UBE4B: variants seen among roughly 807,000 people sequenced by gnomAD.
UBE4B encodes ubiquitination factor E4B.
A neutral mutation model predicts 148.1 loss-of-function variants in UBE4B; 27 were observed. That is an observed-to-expected ratio of 0.18 (90% confidence interval 0.13 to 0.25). UBE4B has a LOEUF of 0.25. UBE4B is among the 10% of genes least tolerant of loss of function. The pLI, the probability that UBE4B is intolerant of heterozygous loss-of-function variation, is 1.00. For synonymous variants in UBE4B, 596 were observed against 619.3 expected (o/e 0.96, Z 0.56); for missense variants, 1,170 against 1,662.4 (o/e 0.70, Z 5.15).
chr1:10,093,068 A>G (rs1178445813), intron 2 of UBE4B, among the ~76,000 whole-genome samples: 4 of 152,244 alleles, frequency 2.6e-5, no homozygotes, highest in African/African-American at 9.6e-5. Flanking sequence ...ATATTGCTAC[A>G]GTATTATTGT....
intron 7 of UBE4B, among the ~76,000 whole-genome samples, chr1:10,108,602 G>C (rs559348014): frequency 2.0e-5 from 3 of 152,286 alleles, no homozygotes; most frequent in Admixed American, 6.5e-5. Context: ...ATAACTCCAG[G>C]CTATAAATAG....
At chr1:10,152,087 T>C (rs910558281) in intron 21 of UBE4B, among the ~76,000 whole-genome samples, 2 of 151,324 alleles carry the variant, frequency 1.3e-5, no homozygotes, top group Non-Finnish European at 2.9e-5. Context: ...TGAAACCCCA[T>C]CTCTACTAAA....
At chr1:10,126,454 TGAGTA>T (rs1645499957) in intron 10 of UBE4B, among the ~76,000 whole-genome samples, 1 of 152,218 alleles carries the variant, frequency 6.6e-6, no homozygotes, top group Admixed American at 6.5e-5. Context: ...AGAATTTAAT[TGAGTA>T]GAGCAACGAC....
chr1:10,168,747 C>T lies in UBE4B; in HGVS notation c.3333+477C>T, dbSNP rs1646293100. On this transcript the variant is annotated intron_variant, in intron 24 of 27. Transcript: ENST00000343090. This position sits in a 1 kb window ranked among gnomAD's most constrained non-coding sequence, Gnocchi z 4.9. ...CTCTACTAAAAGTACAAAAAATTAG[C>T]TGGGCGTGGTGGTGGGCACCTGTAG... Among the ~76,000 whole-genome samples, 1 of 152,046 alleles carries T rather than the reference C, an allele frequency of 6.6e-6. No homozygotes were observed. Among genetic ancestry groups the T allele is most frequent in the Admixed American group, 6.6e-5 (1 of 15,266 alleles).
chr1:10,153,490 T>TAAAAAAAAAAAAAAAA (rs1045427991), intron 21 of UBE4B, among the ~76,000 whole-genome samples: 3 of 49,200 alleles, frequency 6.1e-5, no homozygotes, highest in African/African-American at 2.6e-4. Flanking sequence ...ACCCTGTTTC[T>TAAAAAAAAAAAAAAAA]AAAAAAAAAA....
chr1:10,161,694 G>A lies in UBE4B; in HGVS notation c.3198+408G>A, dbSNP rs949235889. 3.9e-5 allele frequency among the ~76,000 whole-genome samples: 6 copies of A among 152,250 alleles called. No homozygotes were observed. The highest frequency in any genetic ancestry group is 1.9e-4 in the East Asian group (1 of 5,182). ...TGTGTGAATCACTCAGGATCCTGGC[G>A]GGGTGTTTTTTCCCTTTCAGTTGAT... is the stretch of plus-strand genomic sequence containing the variant. On this transcript the variant is annotated intron_variant, in intron 23 of 27. Coordinates refer to ENST00000343090, the MANE Select transcript of UBE4B (RefSeq NM_001105562.3). This position sits in a 1 kb window ranked among gnomAD's most constrained non-coding sequence, Gnocchi z 4.1.
At chr1:10,162,109 G>T (rs551885730) in intron 23 of UBE4B, among the ~76,000 whole-genome samples, 2 of 150,742 alleles carry the variant, frequency 1.3e-5, no homozygotes, top group South Asian at 4.2e-4. Context: ...AGCGATTTTC[G>T]TGCCTCAGCC....
chr1:10,139,746 A>C (rs973584923), intron 17 of UBE4B, among the ~76,000 whole-genome samples: 1 of 151,808 alleles, frequency 6.6e-6, no homozygotes, highest in African/African-American at 2.4e-5. Flanking sequence ...GAGGAGGTTC[A>C]CTCTTGTTGC....
In UBE4B at chr1:10,106,623, G is replaced by A; in HGVS notation, c.1196+40G>A. The A allele has an allele frequency of 6.7e-7, 1 of 1,492,072 alleles. No homozygotes were observed. Among genetic ancestry groups the A allele is most frequent in the Non-Finnish European group, 8.9e-7 (1 of 1,129,376 alleles). The allele number at this position is 1,492,072 out of a possible 1,614,324, so 92.4% of individuals were successfully genotyped here. On this transcript the variant is annotated intron_variant, in intron 7 of 27. Transcript: ENST00000343090. This position sits in a 1 kb window ranked among gnomAD's most constrained non-coding sequence, Gnocchi z 4.2. ...GGAGAGTTGCATGTGTGTTTGCGGT[G>A]CAGGGAAAGGAGATTAACACGGTTT...
chr1:10,049,245 G>A lies in UBE4B; in HGVS notation c.24+15551G>A, dbSNP rs188670748. ...GGCTGACTATGTGGAGATGCTGCTC[G>A]AATATGACGAAGACCTGGTCTTTAC... is the stretch of plus-strand genomic sequence containing the variant. On this transcript the variant is annotated intron_variant, in intron 1 of 27. Transcript: ENST00000343090. 5.4e-3 allele frequency among the ~76,000 whole-genome samples: 822 copies of A among 152,278 alleles called. 18 individuals are homozygous for A. Among genetic ancestry groups the A allele is most frequent in the South Asian group, 3.5e-3 (17 of 4,824 alleles).
intron 25 of UBE4B, among the ~76,000 whole-genome samples, chr1:10,172,059 C>A (rs1315188840): frequency 6.6e-6 from 1 of 152,158 alleles, no homozygotes; most frequent in Non-Finnish European, 1.5e-5. Flanking sequence ...TTCCTAGTCT[C>A]CTGCTAGAGT....
chr1:10,168,106 C>T lies in UBE4B; in HGVS notation c.3199-30C>T. The T allele has an allele frequency of 1.9e-6, 3 of 1,603,428 alleles. No homozygotes were observed. The Middle Eastern group carries it at 5.0e-4, about 266-fold the overall frequency. On this transcript the variant is annotated intron_variant, in intron 23 of 27. Transcript: ENST00000343090. This position sits in a 1 kb window ranked among gnomAD's most constrained non-coding sequence, Gnocchi z 4.9. The stretch of plus-strand genomic sequence containing the variant: ...GCTGAGCTGATGACCAGGACCGAGC[C>T]TTACTCAGCGTCTGTTCGATGTGTC...
chr1:10,041,238 C>T (rs1186009325), intron 1 of UBE4B, among the ~76,000 whole-genome samples: 11 of 152,116 alleles, frequency 7.2e-5, no homozygotes, highest in African/African-American at 2.7e-4. Flanking sequence ...GTGGTAGAAC[C>T]TGGACTCTAA....
intron 7 of UBE4B, among the ~76,000 whole-genome samples, chr1:10,114,824 A>G (rs1258197057): frequency 1.3e-5 from 2 of 152,108 alleles, no homozygotes; most frequent in African/African-American, 4.8e-5. Flanking sequence ...AGATCACACC[A>G]CTGCTCTCCA....
chr1:10,086,532 T>A (rs1644769419), intron 2 of UBE4B, among the ~76,000 whole-genome samples: 1 of 152,128 alleles, frequency 6.6e-6, no homozygotes, highest in Non-Finnish European at 1.5e-5. Context: ...AAGAGTTAGG[T>A]GGATTATAAT....
intron 18 of UBE4B, among the ~76,000 whole-genome samples, chr1:10,146,392 C>T (rs1645873079): frequency 6.6e-6 from 1 of 152,104 alleles, no homozygotes; most frequent in Admixed American, 6.6e-5. Context: ...GCAGAGGTTG[C>T]AGTGAGCCAA....
At chr1:10,105,243 T>G (rs12076922) in intron 5 of UBE4B, among the ~76,000 whole-genome samples, 24,411 of 152,162 alleles carry the variant, frequency 0.16, 3,226 homozygotes, top group African/African-American at 0.36. Context: ...TTGGAATAGT[T>G]TCAGTTAGTG....
chr1:10,097,995 C>T (rs1357149889), intron 3 of UBE4B, among the ~76,000 whole-genome samples: 1 of 151,782 alleles, frequency 6.6e-6, no homozygotes, highest in Admixed American at 6.6e-5. Flanking sequence ...CTCAGCCTCC[C>T]GAGTAGCTGG....
chr1:10,100,873 G>T, intron 3 of UBE4B: 1 of 476,490 alleles, frequency 2.1e-6, no homozygotes, highest in East Asian at 3.9e-5. Context: ...CTTTTAAAAA[G>T]TAAGCCCAAG....
Sources: allele counts gnomAD v4.1 joint callset (sites outside exome capture counted in the v4.1 genomes callset), GRCh38; gene constraint gnomAD v4.1.1; non-coding constraint Gnocchi (gnomAD v3.1); transcripts MANE v1.5; gene names NCBI Gene and HGNC (gene_info 2026-07-23, HGNC 2026-07-21).